ANAPC5: variants seen among roughly 807,000 people sequenced by gnomAD.
ANAPC5 encodes the protein anaphase-promoting complex subunit 5.
ANAPC5 carries 60 observed loss-of-function variants against 91.3 expected under a neutral mutation model. The ratio of observed to expected loss-of-function variants is 0.66; its 90% confidence interval spans 0.53 to 0.81. The LOEUF (loss-of-function observed/expected upper bound fraction) is 0.81. Ranked by LOEUF, ANAPC5 falls within the 40% of genes least tolerant of loss-of-function variation. ANAPC5 has a pLI of 0.00. For synonymous variants in ANAPC5, 340 were observed against 364.1 expected, an observed-to-expected ratio of 0.93 and a Z score of 0.75; for missense variants, 690 against 931.5, an observed-to-expected ratio of 0.74 and a Z score of 3.37.
At chr12:121,350,979 C>G in intron 1 of ANAPC5, 1 of 376,080 alleles carries the variant, frequency 2.7e-6, no homozygotes. Flanking sequence ...ATGCTAGTAA[C>G]AGTTTCTACT....
chr12:121,330,730 G>T, intron 8 of ANAPC5, 58 bp from the exon 9 acceptor site: 1 of 1,378,522 alleles, frequency 7.3e-7, no homozygotes, highest in Non-Finnish European at 1.0e-6. Flanking sequence ...ATGTTCTAGT[G>T]AAATATCAAT....
chr12:121,316,665 G>A (rs556564593), intron 15 of ANAPC5, among the ~76,000 whole-genome samples: 6 of 149,732 alleles, frequency 4.0e-5, no homozygotes, highest in East Asian at 3.9e-4. Context: ...CCCGGGAGGC[G>A]GAGCTTGCAG....
intron 5 of ANAPC5, 142 bp from the exon 6 acceptor site, chr12:121,337,534 G>A: frequency 3.4e-6 from 2 of 593,602 alleles, no homozygotes; most frequent in Non-Finnish European, 2.9e-6. Flanking sequence ...AGCCTTGGCT[G>A]GCCTTCCCTC....
intron 1 of ANAPC5, among the ~76,000 whole-genome samples, chr12:121,350,234 A>G (rs1903830840): frequency 6.6e-6 from 1 of 152,134 alleles, no homozygotes; most frequent in South Asian, 2.1e-4. Flanking sequence ...AAACTATACT[A>G]AGGAATATAA....
At chr12:121,349,285 G>A (rs1903794195) in intron 1 of ANAPC5, among the ~76,000 whole-genome samples, 1 of 152,188 alleles carries the variant, frequency 6.6e-6, no homozygotes, top group Non-Finnish European at 1.5e-5. Flanking sequence ...AGGGGGCCAG[G>A]TGTGGTGGCT....
intron 1 of ANAPC5, among the ~76,000 whole-genome samples, chr12:121,351,846 T>C (rs1555275412): frequency 6.6e-6 from 1 of 151,844 alleles, no homozygotes; most frequent in Non-Finnish European, 1.5e-5. Flanking sequence ...CTCTATTGTA[T>C]AGCCCCATTT....
rs782445374 is a variant in ANAPC5 at position 121,345,943 on chromosome 12, G to T, written c.486C>A (p.Phe162Leu). 1.9e-6 allele frequency: 3 copies of T among 1,614,048 alleles called. No individual in the cohort carries two copies. The South Asian group carries it at 3.3e-5, about 18-fold the overall frequency. ...CCACTGTCTTTTTCTCACCATTCTG[G>T]AAGTACTGCTGAAGGGCAGTGTACA... is the stretch of plus-strand genomic sequence containing the variant. ...FKLYTALQQYFQNGEKKTVED... is the reference protein window; with the variant it reads ...FKLYTALQQYLQNGEKKTVED... The change falls in exon 4 of 17, where the codon TTC becomes TTA. Residue 162 changes from phenylalanine (F) to leucine (L), a missense_variant. This residue lies in a region of ANAPC5 where 238 missense variants were observed against 264.9 expected (regional missense o/e 0.90). Transcript: ENST00000261819.
chr12:121,352,743 T>C (rs370239348), upstream of ANAPC5, among the ~76,000 whole-genome samples: 7 of 150,422 alleles, frequency 4.7e-5, no homozygotes, highest in East Asian at 7.8e-4. Context: ...GTGGTTGTCG[T>C]TGTTGTTGTT....
chr12:121,327,245 G>A lies in ANAPC5; in HGVS notation c.1305-14C>T, dbSNP rs1902854980. Reference sequence around the variant, plus strand: ...AGTGCCATGGTGCTGGGTGGGGAGAGGGAACAGGATTTCCTTTCAGCAGCA... The same window carrying A: ...AGTGCCATGGTGCTGGGTGGGGAGAAGGAACAGGATTTCCTTTCAGCAGCA... On this transcript the variant is annotated splice_polypyrimidine_tract_variant and intron_variant, in intron 10 of 16. Coordinates refer to ENST00000261819, the MANE Select transcript of ANAPC5 (RefSeq NM_016237.5). 1.2e-6 allele frequency: 2 copies of A among 1,610,694 alleles called. No homozygotes were observed. Among genetic ancestry groups the A allele is most frequent in the East Asian group, 2.2e-5 (1 of 44,826 alleles).
At chr12:121,341,130 T>G (rs1903441766) in intron 5 of ANAPC5, among the ~76,000 whole-genome samples, 2 of 151,828 alleles carry the variant, frequency 1.3e-5, no homozygotes, top group African/African-American at 4.8e-5. Context: ...GCCACTGCAC[T>G]CCAGCCTCAG....
intron 5 of ANAPC5, among the ~76,000 whole-genome samples, chr12:121,337,798 G>A (rs1163148335): frequency 1.3e-5 from 2 of 151,822 alleles, no homozygotes; most frequent in Admixed American, 6.6e-5. Context: ...CCCCCCTGTG[G>A]CACTATCAAA....
chr12:121,339,748 C>T (rs1484664272), intron 5 of ANAPC5, among the ~76,000 whole-genome samples: 2 of 152,122 alleles, frequency 1.3e-5, no homozygotes, highest in African/African-American at 2.4e-5. Flanking sequence ...GGATTACAGG[C>T]ATGAGCTGCC....
chr12:121,319,718 T>C lies in ANAPC5; in HGVS notation c.1616A>G (p.Asn539Ser), dbSNP rs1449571390. ...TTACCTATAAACACCCTCTATGCTA[T>C]TGAGAGCTGTGATTCCTGTAACAAG... is the stretch of plus-strand genomic sequence containing the variant. ...DSLVTGITAL[N>S]SIEGVYRKAV... Residue 539 changes from asparagine (N) to serine (S), a missense_variant, in exon 13 of 17, where the codon AAT (asparagine) becomes AGT (serine). Physicochemically the swap from Asn to Ser is conservative, Grantham distance 46 (BLOSUM62 1). This residue lies in a region of ANAPC5 where 317 missense variants were observed against 438.7 expected (regional missense o/e 0.72). Coordinates refer to ENST00000261819, the MANE Select transcript of ANAPC5 (RefSeq NM_016237.5). 1 of 1,612,242 alleles carries C rather than the reference T, an allele frequency of 6.2e-7. No individual in the cohort carries two copies. The highest frequency in any genetic ancestry group is 8.5e-7 in the Non-Finnish European group (1 of 1,179,524).
chr12:121,318,587 A>C lies in ANAPC5; in HGVS notation c.1659T>G (p.Ala553=). The change falls in exon 14 of 17, where the codon GCT becomes GCG. Residue 553 remains alanine, a synonymous_variant. Coordinates refer to ENST00000261819, the MANE Select transcript of ANAPC5 (RefSeq NM_016237.5). ...GVYRKAVVLQ[A]QNQMSEAHKL... ...TATGTGCCTCTGACATTTGGTTCTG[A>C]GCTTGTAATACAACCGCTTTCCTGA... is the stretch of plus-strand genomic sequence containing the variant. The C allele has an allele frequency of 6.2e-7, 1 of 1,614,150 alleles. No individual in the cohort carries two copies. The highest frequency in any genetic ancestry group is 8.5e-7 in the Non-Finnish European group (1 of 1,179,980).
intron 15 of ANAPC5, 36 bp downstream of exon 15, chr12:121,318,241 C>A: frequency 8.7e-6 from 13 of 1,486,430 alleles, no homozygotes; most frequent in Non-Finnish European, 1.2e-5. Context: ...AGCTCTTGAG[C>A]ACAAATATGT....
intron 11 of ANAPC5, 25 bp downstream of exon 11, chr12:121,327,071 C>T: frequency 6.3e-7 from 1 of 1,575,494 alleles, no homozygotes; most frequent in Non-Finnish European, 8.6e-7. Flanking sequence ...GCTCCAGAAG[C>T]ACGTGGGCCC....
chr12:121,334,149 G>A (rs1285746192), intron 7 of ANAPC5: 3 of 152,162 alleles, frequency 2.0e-5, no homozygotes, highest in East Asian at 1.9e-4. Context: ...TGGGCATTGT[G>A]GTGCATGCCT....
chr12:121,332,560 T>C (rs1555273023), intron 7 of ANAPC5: 1 of 137,984 alleles, frequency 7.2e-6, no homozygotes, highest in African/African-American at 2.6e-5. Context: ...TTTCCCCTGA[T>C]ATAAGCTCTA....
chr12:121,319,777 T>C lies in ANAPC5; in HGVS notation c.1557A>G (p.Ala519=), dbSNP rs780693616. 1.8e-5 allele frequency: 29 copies of C among 1,612,554 alleles called. No homozygotes were observed. The highest frequency in any genetic ancestry group is 1.4e-5 in the Non-Finnish European group (17 of 1,179,594). Residue 519 remains alanine, a synonymous_variant, in exon 13 of 17, where the codon GCA becomes GCG. Transcript: ENST00000261819. ...LCDQKIQFDR[A]MNDGKYHLAD... is the part of the protein sequence containing the mutation. ...CCAAATGATATTTGCCATCATTCAT[T>C]GCTCTGTCAAACTGTATTTTTTGAT... is the stretch of plus-strand genomic sequence containing the variant.
Sources: allele counts gnomAD v4.1 joint callset (sites outside exome capture counted in the v4.1 genomes callset), GRCh38; gene constraint gnomAD v4.1.1; regional missense constraint gnomAD v4.1.1; transcripts MANE v1.5; gene names NCBI Gene and HGNC (gene_info 2026-07-23, HGNC 2026-07-21).